Variants in TADA1 observed in about 807,000 individuals in gnomAD.
The protein encoded by TADA1 is transcriptional adaptor 1, also known as transcriptional adapter 1.
Under a neutral mutation model 39.3 loss-of-function variants are expected in TADA1, and 23 were observed. The ratio of observed to expected loss-of-function variants is 0.58; its 90% CI spans 0.42 to 0.83. The LOEUF (loss-of-function observed/expected upper bound fraction) is 0.83, where lower values mean the gene tolerates loss of function less well. TADA1 is among the 40% of genes least tolerant of loss of function. TADA1 has a pLI of 0.00. For synonymous variants in TADA1, 137 were observed against 151.8 expected, an observed-to-expected ratio of 0.90 and a Z score of 0.72; for missense variants, 352 against 408.1, an observed-to-expected ratio of 0.86 and a Z score of 1.18.
At chr1:166,876,052 G>A (rs1374684568) in intron 1 of TADA1, 108 bp downstream of exon 1, 3 of 1,117,244 alleles carry the variant, frequency 2.7e-6, no homozygotes, top group Admixed American at 3.4e-5. Context: ...CGGACTCCAG[G>A]CTGCACAGGC....
chr1:166,862,715 G>A (rs1023214755), intron 4 of TADA1: 3 of 393,622 alleles, frequency 7.6e-6, no homozygotes, highest in African/African-American at 4.1e-5. Flanking sequence ...GAAAGAGAAG[G>A]AGAAGTATTG....
intron 5 of TADA1, among the ~76,000 whole-genome samples, chr1:166,861,344 T>G (rs746624429): frequency 2.0e-5 from 3 of 152,216 alleles, no homozygotes; most frequent in Non-Finnish European, 4.4e-5. Context: ...CATTTAATGT[T>G]TATAACTTCA....
At chr1:166,862,102 AGAGTGACATTTG>A (rs1392104833) in intron 5 of TADA1, 89 bp downstream of exon 5, 1 of 1,138,052 alleles carries the variant, frequency 8.8e-7, no homozygotes, top group Non-Finnish European at 1.3e-6. Flanking sequence ...CTGTGAAATC[AGAGTGACATTTG>A]GATTCTTTTC....
chr1:166,863,131 C>T (rs1476348), intron 4 of TADA1: 57,501 of 152,162 alleles, frequency 0.38, 10,996 homozygotes, highest in Middle Eastern at 0.5. Context: ...ATGAAAACAA[C>T]ATGGTTATTT....
rs1169064667 is a variant in TADA1, at chr1:166,862,395, T to A, written c.348A>T (p.Gln116His). The part of the protein sequence containing the change: ...RQKFDHRFQP[Q>H]NPLSGAQQFV... ...ATTGCTGGGCTCCTGAGAGAGGATT[T>A]TGAGGCTGGAATCTATGCTATGAGT... Residue 116 changes from glutamine to histidine, a missense_variant, in exon 5 of 8, where the codon CAA becomes CAT. By Grantham distance (24) the Gln-to-His change is conservative. Transcript: ENST00000367874. The A allele has an allele frequency of 1.2e-6, 2 of 1,614,092 alleles. No homozygotes were observed. The highest frequency in any genetic ancestry group is 1.7e-6 in the Non-Finnish European group (2 of 1,180,046).
At position 166,862,344 on chromosome 1, in the gene TADA1, A is replaced by C. The variant is rs1338648229; in HGVS notation, c.399T>G (p.Asp133Glu). The C allele has an allele frequency of 1.2e-6, 2 of 1,614,212 alleles. No homozygotes were observed. The highest frequency in any genetic ancestry group is 2.2e-5 in the East Asian group (1 of 44,878). ...QQFVAKDPQD[D>E]DDLKLCSHTM... ...TGTGGGAACAAAGTTTCAAGTCGTCATCATCTTGGGGATCCTTTGCCACAA... is the reference window on the plus strand; with the variant it reads ...TGTGGGAACAAAGTTTCAAGTCGTCCTCATCTTGGGGATCCTTTGCCACAA... Residue 133 changes from aspartate (D) to glutamate (E), a missense_variant, in exon 5 of 8, where the codon GAT (aspartate) becomes GAG (glutamate). Coordinates refer to ENST00000367874, the MANE Select transcript of TADA1 (RefSeq NM_053053.4).
At position 166,865,063 on chromosome 1, in the gene TADA1, A is replaced by G. The variant is rs544384133; in HGVS notation, c.233-1142T>C. 1.0e-3 allele frequency among the ~76,000 whole-genome samples: 157 copies of G among 151,686 alleles called. 2 individuals carry two copies. Among genetic ancestry groups the G allele is most frequent in the Non-Finnish European group, 1.7e-3 (114 of 67,990 alleles). ...CAGATATTTGACAATATTCTTTCAC[A>G]TGACAAGAAAGAGCAAGCTAAAAAA... On this transcript the variant is annotated intron_variant, in intron 3 of 7. Transcript: ENST00000367874.
intron 5 of TADA1, 97 bp from the exon 6 acceptor site, chr1:166,860,434 G>A: frequency 8.1e-7 from 1 of 1,241,060 alleles, no homozygotes; most frequent in South Asian, 1.5e-5. Context: ...CATTTAGATG[G>A]AGATGCAGAA....
Position 166,858,270 on chromosome 1 carries a change from A to C in TADA1, c.704T>G (p.Phe235Cys). ...ATTCTGACCAGCACAGGGAGCAGTA[A>C]AAGCTGGAGGGCTGAAAATAAAAAT... ...YNNLIESPPA[F>C]TAPCAGQNPA... Residue 235 changes from phenylalanine to cysteine, a missense_variant, in exon 7 of 8, where the codon TTT (phenylalanine) becomes TGT (cysteine). Physicochemically the swap from Phe to Cys is radical, Grantham distance 205. This residue lies in a region of TADA1 where 285 missense variants were observed against 310.9 expected (regional missense o/e 0.92). Coordinates refer to ENST00000367874, the MANE Select transcript of TADA1 (RefSeq NM_053053.4). 2 of 1,554,954 alleles carry C rather than the reference A, an allele frequency of 1.3e-6. No homozygotes were observed. Among genetic ancestry groups the C allele is most frequent in the Non-Finnish European group, 1.7e-6 (2 of 1,154,094 alleles).
At position 166,863,932 on chromosome 1, in the gene TADA1, G is replaced by A. The variant is rs1414089256; in HGVS notation, c.233-11C>T. 1.3e-6 allele frequency: 2 copies of A among 1,585,088 alleles called. No individual in the cohort carries two copies. Among genetic ancestry groups the A allele is most frequent in the Middle Eastern group, 1.7e-4 (1 of 6,002 alleles). On this transcript the variant is annotated splice_polypyrimidine_tract_variant and intron_variant, in intron 3 of 7. Coordinates refer to ENST00000367874, the MANE Select transcript of TADA1 (RefSeq NM_053053.4). ...AAGATCCAGCACCATCTAGGAGACA[G>A]AAATATATAACCATAAGTAAAAATA...
At chr1:166,873,109 A>G (rs1214256598) in intron 1 of TADA1, among the ~76,000 whole-genome samples, 4 of 152,116 alleles carry the variant, frequency 2.6e-5, no homozygotes, top group East Asian at 1.9e-4. Flanking sequence ...CGTCTCTACT[A>G]AAAATACAAA....
intron 1 of TADA1, among the ~76,000 whole-genome samples, chr1:166,875,304 G>A (rs1658737592): frequency 6.6e-6 from 1 of 152,100 alleles, no homozygotes; most frequent in African/African-American, 2.4e-5. Flanking sequence ...GCTTTGACTG[G>A]ATACTGATTT....
intron 3 of TADA1, chr1:166,868,855 G>A (rs1043548559): frequency 6.1e-5 from 10 of 163,582 alleles, no homozygotes; most frequent in Admixed American, 1.2e-4. Flanking sequence ...AGGGGTCCAC[G>A]GGGGCTAGGA....
At position 166,876,164 on chromosome 1, in the gene TADA1, T is replaced by C. The variant is rs1414385168; in HGVS notation, c.70A>G (p.Lys24Glu). 6.2e-7 allele frequency: 1 copy of C among 1,613,358 alleles called. No homozygotes were observed. Among genetic ancestry groups the C allele is most frequent in the Non-Finnish European group, 8.5e-7 (1 of 1,179,796 alleles). Residue 24 changes from lysine to glutamate, a missense_variant, in exon 1 of 8, where the codon AAA (lysine) becomes GAA (glutamate). By Grantham distance (56) the Lys-to-Glu change is moderately conservative. Around this residue, in one of 3 missense-constraint regions of TADA1, gnomAD observed 36 missense variants for 72.0 expected, o/e 0.50. Transcript: ENST00000367874. ...CTGTGCTAGGGCAGCTCTTACTGTT[T>C]CACGTTGTCCCCCAGGGCCTCGCTT... Reference protein sequence around the residue: ...NLSEALGDNVKQYWANLKLWF... With the variant: ...NLSEALGDNVEQYWANLKLWF...
chr1:166,862,171 TG>T (rs776387399), intron 5 of TADA1, 31 bp downstream of exon 5: 54 of 1,605,138 alleles, frequency 3.4e-5, no homozygotes, highest in Non-Finnish European at 4.4e-5. Context: ...ACATTCAACC[TG>T]TAAGATTATT....
At chr1:166,873,482 A>G (rs1658698597) in intron 1 of TADA1, among the ~76,000 whole-genome samples, 2 of 152,100 alleles carry the variant, frequency 1.3e-5, no homozygotes, top group Admixed American at 1.3e-4. Context: ...AATAACTCAT[A>G]TCCAGCCTCC....
chr1:166,869,579 C>T, intron 2 of TADA1, 69 bp from the exon 3 acceptor site: 1 of 1,547,730 alleles, frequency 6.5e-7, no homozygotes, highest in Non-Finnish European at 8.9e-7. Flanking sequence ...CAACTTTGGT[C>T]TAGCTTCTCA....
intron 5 of TADA1, 61 bp downstream of exon 5, chr1:166,862,142 A>T (rs1658429929): frequency 6.6e-7 from 1 of 1,509,690 alleles, no homozygotes; most frequent in African/African-American, 1.4e-5. Flanking sequence ...ACCGACTTTA[A>T]ACAACACACA....
chr1:166,875,572 T>C (rs1453424154), intron 1 of TADA1, among the ~76,000 whole-genome samples: 2 of 152,250 alleles, frequency 1.3e-5, no homozygotes, highest in South Asian at 4.1e-4. Flanking sequence ...AGATAATATA[T>C]TTAGAGAGCT....
Sources: allele counts gnomAD v4.1 joint callset (sites outside exome capture counted in the v4.1 genomes callset), GRCh38; gene constraint gnomAD v4.1.1; regional missense constraint gnomAD v4.1.1; transcripts MANE v1.5; gene names NCBI Gene and HGNC (gene_info 2026-07-23, HGNC 2026-07-21).